The following UBE4A variants were observed in gnomAD, a reference collection of about 807,000 sequenced individuals.
UBE4A encodes ubiquitination factor E4A.
UBE4A carries 48 observed loss-of-function variants against 117.9 expected under a neutral mutation model. That is an observed-to-expected ratio of 0.41 (90% confidence interval 0.32 to 0.52). The LOEUF (loss-of-function observed/expected upper bound fraction) is 0.52, where lower values mean the gene tolerates loss of function less well. UBE4A is among the 20% of genes least tolerant of loss of function. UBE4A has a pLI of 0.33. For synonymous variants in UBE4A, 407 were observed against 450.0 expected, an observed-to-expected ratio of 0.90 and a Z score of 1.21; for missense variants, 1,067 against 1,296.3, an observed-to-expected ratio of 0.82 and a Z score of 2.72.
intron 4 of UBE4A, among the ~76,000 whole-genome samples, chr11:118,370,791 A>G (rs898377308): frequency 6.6e-6 from 1 of 152,166 alleles, no homozygotes; most frequent in Non-Finnish European, 1.5e-5. Context: ...TACCATGAGG[A>G]CGCATGCAAG....
chr11:118,384,576 A>T (rs1392984699), intron 13 of UBE4A, 59 bp from the exon 14 acceptor site: 1 of 1,486,810 alleles, frequency 6.7e-7, no homozygotes, highest in African/African-American at 1.4e-5. Context: ...ACACATAAGC[A>T]TAAACTCTTC....
At chr11:118,380,896 T>C (rs1948699725) in intron 11 of UBE4A, among the ~76,000 whole-genome samples, 1 of 152,194 alleles carries the variant, frequency 6.6e-6, no homozygotes, top group Non-Finnish European at 1.5e-5. Flanking sequence ...CTGTAAGCTT[T>C]TATACCCTAA....
rs139803253 is a variant in UBE4A at position 118,381,287 on chromosome 11, T to G, written c.1877-104T>G. ...TCTAGTACCAACAAAACATTTAGGG[T>G]TTTTTTTAACCTTCATTAAGTAGGG... is the stretch of plus-strand genomic sequence containing the variant. On this transcript the variant is annotated intron_variant, in intron 11 of 19. Transcript: ENST00000252108. The G allele has an allele frequency of 6.0e-4, 815 of 1,365,414 alleles. 6 individuals carry two copies. In the African/African-American group the frequency reaches 0.011, roughly 18 times the overall value. 84.6% of individuals were successfully genotyped at this position (1,365,414 alleles called of 1,614,324 possible).
chr11:118,365,991 G>A (rs781544605), intron 2 of UBE4A, among the ~76,000 whole-genome samples: 2 of 151,326 alleles, frequency 1.3e-5, no homozygotes, highest in Non-Finnish European at 2.9e-5. Flanking sequence ...TCCTCTCTCC[G>A]AAAAGAATAA....
chr11:118,393,491 G>T (rs1335183920), intron 19 of UBE4A, among the ~76,000 whole-genome samples: 1 of 152,050 alleles, frequency 6.6e-6, no homozygotes, highest in African/African-American at 2.4e-5. Flanking sequence ...TAGAGACAGG[G>T]TTTCACCATG....
chr11:118,384,793 C>G lies in UBE4A; in HGVS notation c.2299-39C>G, dbSNP rs1948739824. 3 of 1,610,700 alleles carry G rather than the reference C, an allele frequency of 1.9e-6. No homozygotes were observed. In the East Asian group the frequency reaches 6.7e-5, roughly 36 times the overall value. Reference sequence around the variant, plus strand: ...ATATAAGCCCTAATGAGTTGTAATTCAGTACTAAAATGGTTTTCTTGTGGG... The same window carrying G: ...ATATAAGCCCTAATGAGTTGTAATTGAGTACTAAAATGGTTTTCTTGTGGG... On this transcript the variant is annotated intron_variant, in intron 14 of 19. Transcript: ENST00000252108.
chr11:118,390,627 A>G (rs57931564), intron 17 of UBE4A, 30 bp from the exon 18 acceptor site: 1 of 1,475,804 alleles, frequency 6.8e-7, no homozygotes, highest in East Asian at 2.6e-5. Flanking sequence ...CCCTCTGGTG[A>G]TCAGTTTTTT....
chr11:118,375,246 C>A lies in UBE4A; in HGVS notation c.1450+17C>A. 6.4e-7 allele frequency: 1 copy of A among 1,566,860 alleles called. No homozygotes were observed. Reference sequence around the variant, plus strand: ...ACATGAGAGGTAGGAGAGAACCAGGCTTCTCAAAACTGTGTGTGTGTGTGT... The same window carrying A: ...ACATGAGAGGTAGGAGAGAACCAGGATTCTCAAAACTGTGTGTGTGTGTGT... On this transcript the variant is annotated intron_variant, in intron 9 of 19. Transcript: ENST00000252108.
Position 118,372,793 on chromosome 11 carries a change from C to A in UBE4A, c.721+127C>A, listed in dbSNP as rs547193137. ...ATAAATTAAGGAGGAGGGCTCACAT[C>A]TTGATCTTTGAGGTTGAGTACCAAT... is the stretch of plus-strand genomic sequence containing the variant. On this transcript the variant is annotated intron_variant, in intron 6 of 19. Transcript: ENST00000252108. 4.9e-5 allele frequency: 68 copies of A among 1,385,506 alleles called. No homozygotes were observed. In the African/African-American group the frequency reaches 9.6e-4, roughly 20 times the overall value. 85.8% of individuals were successfully genotyped at this position (1,385,506 alleles called of 1,614,324 possible).
Position 118,390,704 on chromosome 11 carries a change from A to T in UBE4A, c.2816A>T (p.Tyr939Phe). Residue 939 changes from tyrosine to phenylalanine, a missense_variant, in exon 18 of 20, where the codon TAT becomes TTT. By Grantham distance (22) the Tyr-to-Phe change is conservative. Around this residue, in one of 3 missense-constraint regions of UBE4A, gnomAD observed 1,001 missense variants for 1,184.0 expected, o/e 0.85. Transcript: ENST00000252108. ...ACTGTGCCCAAGGATGGACGTTCCT[A>T]TTCCCCAACTCTCTTTGCACAGACA... ...CATVPKDGRS[Y>F]SPTLFAQTVR... The T allele has an allele frequency of 6.3e-7, 1 of 1,575,374 alleles. No homozygotes were observed. Among genetic ancestry groups the T allele is most frequent in the Non-Finnish European group, 8.6e-7 (1 of 1,162,994 alleles).
intron 19 of UBE4A, 38 bp from the exon 20 acceptor site, chr11:118,396,276 T>C (rs368899031): frequency 2.5e-6 from 4 of 1,589,268 alleles, no homozygotes; most frequent in African/African-American, 1.4e-5. Context: ...TTAGAACTTA[T>C]GGAAATAACC....
chr11:118,380,551 C>T (rs1948696010), intron 11 of UBE4A, among the ~76,000 whole-genome samples: 2 of 152,090 alleles, frequency 1.3e-5, no homozygotes, highest in African/African-American at 4.8e-5. Context: ...TACTGTACTC[C>T]AGCCTGGGTG....
At chr11:118,365,737 T>C (rs1042896577) in intron 2 of UBE4A, among the ~76,000 whole-genome samples, 11 of 152,248 alleles carry the variant, frequency 7.2e-5, no homozygotes, top group African/African-American at 2.4e-4. Context: ...TGGCATCATT[T>C]GTAGCTTAGT....
At chr11:118,383,690 A>C (rs1555126720) in intron 13 of UBE4A, among the ~76,000 whole-genome samples, 1 of 152,098 alleles carries the variant, frequency 6.6e-6, no homozygotes, top group African/African-American at 2.4e-5. Flanking sequence ...CAATCAGTAA[A>C]TAAGATATGT....
intron 6 of UBE4A, 73 bp from the exon 7 acceptor site, chr11:118,373,013 A>G: frequency 1.5e-6 from 2 of 1,326,786 alleles, no homozygotes; most frequent in Non-Finnish European, 2.1e-6. Context: ...AATTATTGAA[A>G]GTAAAGAGCT....
chr11:118,390,323 T>TA (rs1227692954), intron 17 of UBE4A, among the ~76,000 whole-genome samples: 1 of 149,924 alleles, frequency 6.7e-6, no homozygotes, highest in East Asian at 1.9e-4. Context: ...TGATACTTGA[T>TA]AGACTTCCTA....
At chr11:118,367,927 A>C (rs1433528330) in intron 2 of UBE4A, among the ~76,000 whole-genome samples, 1 of 152,252 alleles carries the variant, frequency 6.6e-6, no homozygotes, top group Non-Finnish European at 1.5e-5. Context: ...TGCAGTATTT[A>C]AAATCATGAA....
intron 4 of UBE4A, 53 bp downstream of exon 4, chr11:118,369,588 C>A: frequency 7.8e-7 from 1 of 1,282,420 alleles, no homozygotes; most frequent in Non-Finnish European, 1.1e-6. Flanking sequence ...AGCTATGCGG[C>A]TGAATTCTGC....
chr11:118,395,749 C>T (rs1035155216), intron 19 of UBE4A, among the ~76,000 whole-genome samples: 1 of 152,146 alleles, frequency 6.6e-6, no homozygotes, highest in Admixed American at 6.5e-5. Flanking sequence ...AATTAAATAT[C>T]ATCTGAACAG....
Sources: allele counts gnomAD v4.1 joint callset (sites outside exome capture counted in the v4.1 genomes callset), GRCh38; gene constraint gnomAD v4.1.1; regional missense constraint gnomAD v4.1.1; transcripts MANE v1.5; gene names NCBI Gene and HGNC (gene_info 2026-07-23, HGNC 2026-07-21).